Variants in ZNF286A observed in about 807,000 individuals in gnomAD.
ZNF286A encodes zinc finger protein 286A.
ZNF286A carries 34 observed loss-of-function variants against 49.3 expected under a neutral mutation model. That is an observed-to-expected ratio of 0.69 (90% CI 0.52 to 0.92). ZNF286A has a LOEUF of 0.92. Ranked by LOEUF, ZNF286A falls within the 40% of genes least tolerant of loss-of-function variation. The pLI, the probability that ZNF286A is intolerant of heterozygous loss-of-function variation, is 0.00. For missense variants in ZNF286A, 462 were observed against 600.2 expected (o/e 0.77, Z 2.41); for synonymous variants, 155 against 200.4 (o/e 0.77, Z 1.91).
chr17:15,707,552 G>T (rs1032935925), intron 4 of ZNF286A, among the ~76,000 whole-genome samples: 4 of 152,072 alleles, frequency 2.6e-5, no homozygotes, highest in Admixed American at 2.0e-4. Flanking sequence ...TGCCATTGAG[G>T]TCCCGCTTTT....
chr17:15,716,839 A>G lies in ZNF286A; in HGVS notation c.1115A>G (p.His372Arg). 1.2e-6 allele frequency: 2 copies of G among 1,609,558 alleles called. No homozygotes were observed. The highest frequency in any genetic ancestry group is 1.3e-5 in the African/African-American group (1 of 74,778). The change falls in exon 6 of 6, where the codon CAT (histidine) becomes CGT (arginine). Residue 372 changes from histidine (H) to arginine (R), a missense_variant. His to Arg is a conservative substitution (Grantham distance 29). Around this residue, in one of 3 missense-constraint regions of ZNF286A, gnomAD observed 201 missense variants for 311.3 expected, o/e 0.65. Transcript: ENST00000583566. ...ATTCATTCATCAGCACTCATTAAAC[A>G]TCAAAGAACTCATACTGGAGAGAAA... ...AFIHSSALIK[H>R]QRTHTGEKPY... is the part of the protein sequence containing the mutation.
Position 15,709,320 on chromosome 17 carries a change from T to A in ZNF286A, c.334+1073T>A, listed in dbSNP as rs1377983692. 2.0e-5 allele frequency among the ~76,000 whole-genome samples: 3 copies of A among 146,606 alleles called. No individual in the cohort carries two copies. In the East Asian group the frequency reaches 6.1e-4, roughly 30 times the overall value. ...GCCTGGCCAACATGGTGAAACCCCG[T>A]CTCTACTACAAATACAAAAAAATTA... On this transcript the variant is annotated intron_variant, in intron 5 of 5. Transcript: ENST00000583566.
chr17:15,716,018 C>T, intron 5 of ZNF286A, 41 bp from the exon 6 acceptor site: 3 of 1,613,322 alleles, frequency 1.9e-6, no homozygotes, highest in Non-Finnish European at 2.5e-6. Flanking sequence ...TTTTGTTGAG[C>T]ACAGAAAACG....
chr17:15,708,328 G>A, intron 5 of ZNF286A, 81 bp downstream of exon 5: 1 of 1,091,442 alleles, frequency 9.2e-7, no homozygotes. Context: ...TTAAGAAAGT[G>A]CCTGTGTGCC....
At position 15,717,375 on chromosome 17, in the gene ZNF286A, TA is replaced by T; in HGVS notation, c.*86del. On this transcript the variant is annotated 3_prime_UTR_variant, in exon 6 of 6. Transcript: ENST00000583566. ...GTTTAGGTGGAAGGCGCATCCATAA[TA>T]TGCATGTGAGGACCAATTCTGTATG... The T allele has an allele frequency of 1.4e-6, 2 of 1,433,660 alleles. No individual in the cohort carries two copies. Among genetic ancestry groups the T allele is most frequent in the South Asian group, 2.9e-5 (2 of 68,112 alleles). The allele number at this position is 1,433,660 out of a possible 1,614,324, so 88.8% of individuals were successfully genotyped here.
rs1305345133 is a variant in ZNF286A at position 15,719,581 on chromosome 17, G to A, written c.*2291G>A. The A allele has an allele frequency of 1.3e-5, 2 of 151,982 alleles. No homozygotes were observed. The highest frequency in any genetic ancestry group is 2.4e-5 in the African/African-American group (1 of 41,334). The allele number at this position is 151,982 out of a possible 1,614,324, so 9.4% of individuals were successfully genotyped here. On this transcript the variant is annotated 3_prime_UTR_variant, in exon 6 of 6. Coordinates refer to ENST00000583566, the MANE Select transcript of ZNF286A (RefSeq NM_001130842.2). ...CACATGGTAGAAGGGGAGAGCTCTG[G>A]TATCTTCAGCCCCTTATAAGGGCAC...
chr17:15,716,173 C>G lies in ZNF286A; in HGVS notation c.449C>G (p.Ser150Cys), dbSNP rs770503018. 1.1e-5 allele frequency: 18 copies of G among 1,613,830 alleles called. No individual in the cohort carries two copies. The highest frequency in any genetic ancestry group is 5.9e-6 in the Non-Finnish European group (7 of 1,179,812). The change falls in exon 6 of 6, where the codon TCT becomes TGT. Residue 150 changes from serine (S) to cysteine (C), a missense_variant. By Grantham distance (112) the Ser-to-Cys change is moderately radical. This residue lies in a region of ZNF286A where 259 missense variants were observed against 272.2 expected (regional missense o/e 0.95). Coordinates refer to ENST00000583566, the MANE Select transcript of ZNF286A (RefSeq NM_001130842.2). ...DRLTRNSVYD[S>C]NLEAALECEN... ...CTGACACGGAATAGTGTCTATGACT[C>G]TAACTTGGAAGCAGCCCTTGAATGT...
rs548728544 is a variant in ZNF286A at position 15,711,903 on chromosome 17, G to T, written c.334+3656G>T. 1.4e-3 allele frequency among the ~76,000 whole-genome samples: 161 copies of T among 117,114 alleles called. 3 individuals carry two copies. Among genetic ancestry groups the T allele is most frequent in the Non-Finnish European group, 4.5e-4 (28 of 62,426 alleles). 76.8% of individuals were successfully genotyped at this position (117,114 alleles called of 152,430 possible). A position where few individuals can be genotyped will look rare whatever the true frequency, so the allele number is the denominator to read the frequency against. ...TTTTTTTTTTTTGAGATGGAGTCTC[G>T]CTCTATTGCCCAGGCTGGAGTGCAG... is the stretch of plus-strand genomic sequence containing the variant. On this transcript the variant is annotated intron_variant, in intron 5 of 5. Coordinates refer to ENST00000583566, the MANE Select transcript of ZNF286A (RefSeq NM_001130842.2).
rs1180768781 is a variant in ZNF286A at position 15,716,757 on chromosome 17, C to T, written c.1033C>T (p.Gln345Ter). 1 of 1,613,818 alleles carries T rather than the reference C, an allele frequency of 6.2e-7. No homozygotes were observed. The highest frequency in any genetic ancestry group is 1.3e-5 in the African/African-American group (1 of 74,940). ...FNRSTHLVQH[Q>*]LIHTGVKPYE... ...TCGAAGTACACATCTTGTGCAGCAT[C>T]AGTTGATTCATACTGGAGTGAAGCC... The change falls in exon 6 of 6, where the codon CAG becomes TAG. Residue 345 changes from glutamine (Q) to a stop codon, truncating the protein, a stop_gained. Coordinates refer to ENST00000583566, the MANE Select transcript of ZNF286A (RefSeq NM_001130842.2). LOFTEE classifies it high-confidence loss of function.
At position 15,704,066 on chromosome 17, in the gene ZNF286A, A is replaced by ATT. The variant is rs201458335; in HGVS notation, c.127-2309_127-2308dup. The stretch of plus-strand genomic sequence containing the variant: ...GAATAATTCTCTTATTATTATTATT[A>ATT]TTTTTTTTTTTTTGCTTTTCCAACT... On this transcript the variant is annotated intron_variant, in intron 3 of 5. Coordinates refer to ENST00000583566, the MANE Select transcript of ZNF286A (RefSeq NM_001130842.2). Among the ~76,000 whole-genome samples, 1,295 of 144,156 alleles carry ATT rather than the reference A, an allele frequency of 9.0e-3. 22 individuals carry two copies. The highest frequency in any genetic ancestry group is 0.031 in the African/African-American group (1,219 of 39,372). 94.6% of individuals were successfully genotyped at this position (144,156 alleles called of 152,430 possible).
intron 5 of ZNF286A, among the ~76,000 whole-genome samples, chr17:15,709,604 T>C (rs1308444836): frequency 1.3e-5 from 2 of 152,194 alleles, no homozygotes; most frequent in Non-Finnish European, 2.9e-5. Context: ...TGTATGTGTG[T>C]GTATACACAG....
At position 15,716,489 on chromosome 17, in the gene ZNF286A, T is replaced by C. The variant is rs1463540229; in HGVS notation, c.765T>C (p.His255=). The C allele has an allele frequency of 6.2e-7, 1 of 1,613,962 alleles. No individual in the cohort carries two copies. Among genetic ancestry groups the C allele is most frequent in the Non-Finnish European group, 8.5e-7 (1 of 1,179,998 alleles). The change falls in exon 6 of 6, where the codon CAT becomes CAC. Residue 255 remains histidine (H), a synonymous_variant. Transcript: ENST00000583566. ...ATTGTGGTGAACTCTTCACCTACCA[T>C]TCAGTGCTTATTCGACACCAGAGAG... ...CNDCGELFTY[H]SVLIRHQRVH... is the part of the protein sequence containing the mutation.
At chr17:15,709,214 G>A (rs1335323662) in intron 5 of ZNF286A, among the ~76,000 whole-genome samples, 1 of 150,028 alleles carries the variant, frequency 6.7e-6, no homozygotes, top group Non-Finnish European at 1.5e-5. Context: ...TCTCAGCTGG[G>A]TGTGGTGACT....
rs186966264 is a variant in ZNF286A at position 15,699,796 on chromosome 17, T to G, written c.-196+19T>G. The G allele has an allele frequency of 5.7e-6, 4 of 702,914 alleles. No individual in the cohort carries two copies. The highest frequency in any genetic ancestry group is 3.5e-5 in the African/African-American group (2 of 57,390). 43.5% of individuals were successfully genotyped at this position (702,914 alleles called of 1,614,324 possible). ...ATGGGAGGTGAGTTGCTTGTGGTGA[T>G]GTCGCTCGTCTCGGCTCGGCCTCGG... On this transcript the variant is annotated intron_variant, in intron 1 of 5. Transcript: ENST00000583566.
At chr17:15,704,130 T>C in intron 3 of ZNF286A, 1 of 880,728 alleles carries the variant, frequency 1.1e-6, no homozygotes, top group East Asian at 2.7e-5. Context: ...GTGCCCCCTG[T>C]ACCCTCCCCG....
rs1453661571 is a variant in ZNF286A, at chr17:15,701,492, C to T, written c.126+252C>T. ...GGTAAGCAGCATTTCCCTTTCTTAGCCTCCTATGCTCATTTCTGTGCTTGG... is the reference window on the plus strand; with the variant it reads ...GGTAAGCAGCATTTCCCTTTCTTAGTCTCCTATGCTCATTTCTGTGCTTGG... On this transcript the variant is annotated intron_variant, in intron 3 of 5. Coordinates refer to ENST00000583566, the MANE Select transcript of ZNF286A (RefSeq NM_001130842.2). 13 of 347,306 alleles carry T rather than the reference C, an allele frequency of 3.7e-5. No individual in the cohort carries two copies. The Admixed American group carries it at 4.5e-4, about 12-fold the overall frequency. 21.5% of individuals were successfully genotyped at this position (347,306 alleles called of 1,614,324 possible).
rs1967219063 is a variant in ZNF286A, at chr17:15,718,841, A to G, written c.*1551A>G. 7 of 144,660 alleles carry G rather than the reference A, an allele frequency of 4.8e-5. No homozygotes were observed. The South Asian group carries it at 1.6e-3, about 33-fold the overall frequency. The allele number at this position is 144,660 out of a possible 1,614,324, so 9.0% of individuals were successfully genotyped here. A position where few individuals can be genotyped will look rare whatever the true frequency, so the allele number is the denominator to read the frequency against. ...TGGTTCCATGGGCTGTACAGGAAGT[A>G]TGACTGGGGAGGTCTCAGGGAGCTT... is the stretch of plus-strand genomic sequence containing the variant. On this transcript the variant is annotated 3_prime_UTR_variant, in exon 6 of 6. Coordinates refer to ENST00000583566, the MANE Select transcript of ZNF286A (RefSeq NM_001130842.2).
At chr17:15,708,675 C>T (rs568321289) in intron 5 of ZNF286A, among the ~76,000 whole-genome samples, 13 of 152,146 alleles carry the variant, frequency 8.5e-5, no homozygotes, top group Non-Finnish European at 1.3e-4. Context: ...CAAGTTTTGA[C>T]GGTTCTTGAA....
intron 5 of ZNF286A, chr17:15,711,534 A>T (rs1990646306): frequency 6.6e-6 from 1 of 152,168 alleles, no homozygotes; most frequent in South Asian, 2.1e-4. Context: ...GCAAGGTGGA[A>T]ACTGGTGAAC....
Sources: gnomAD v4.1 joint callset for allele counts (sites outside exome capture counted in the v4.1 genomes callset) on GRCh38, gnomAD v4.1.1 for gene constraint, gnomAD v4.1.1 regional missense constraint, MANE v1.5 for transcripts, NCBI Gene and HGNC (gene_info 2026-07-23, HGNC 2026-07-21) for gene names.